CFAP58: variants seen among roughly 807,000 people sequenced by gnomAD.
CFAP58 encodes cilia- and flagella-associated protein 58.
Under a neutral mutation model 119.5 loss-of-function variants are expected in CFAP58, and 88 were observed. The ratio of observed to expected loss-of-function variants is 0.74; its 90% CI spans 0.62 to 0.88. The LOEUF is 0.88. CFAP58 is among the 40% of genes least tolerant of loss of function. The pLI is 0.00. For synonymous variants in CFAP58, 365 were observed against 366.3 expected, an observed-to-expected ratio of 1.00 and a Z score of 0.04; for missense variants, 990 against 1,021.2, an observed-to-expected ratio of 0.97 and a Z score of 0.42.
upstream of CFAP58, among the ~76,000 whole-genome samples, chr10:104,352,734 G>A (rs2014477099): frequency 6.6e-6 from 1 of 152,212 alleles, no homozygotes. Context: ...ATTAGAGGCG[G>A]CCTTGTTACC....
At chr10:104,387,628 A>T (rs540482797) in intron 9 of CFAP58, among the ~76,000 whole-genome samples, 1 of 152,200 alleles carries the variant, frequency 6.6e-6, no homozygotes, top group Non-Finnish European at 1.5e-5. Context: ...CACTATTCAG[A>T]TAAATTGAGA....
chr10:104,385,575 G>A (rs2011906176), intron 9 of CFAP58, among the ~76,000 whole-genome samples: 1 of 152,160 alleles, frequency 6.6e-6, no homozygotes, highest in South Asian at 2.1e-4. Context: ...TTAGCACTTT[G>A]GGAGGCTGAG....
At chr10:104,427,136 A>C (rs1253476390) in intron 15 of CFAP58, among the ~76,000 whole-genome samples, 3 of 152,246 alleles carry the variant, frequency 2.0e-5, no homozygotes, top group Non-Finnish European at 4.4e-5. Context: ...AGACAGGTAC[A>C]AAAGATGACT....
intron 15 of CFAP58, among the ~76,000 whole-genome samples, chr10:104,438,928 A>C (rs1156460239): frequency 6.6e-6 from 1 of 152,232 alleles, no homozygotes; most frequent in Non-Finnish European, 1.5e-5. Context: ...AATCAACTAC[A>C]TGAACAGAAA....
At chr10:104,409,762 C>T (rs919505773) in intron 15 of CFAP58, among the ~76,000 whole-genome samples, 1 of 152,066 alleles carries the variant, frequency 6.6e-6, no homozygotes, top group African/African-American at 2.4e-5. Context: ...TAACATAGCT[C>T]AATCAGCTGG....
intron 17 of CFAP58, among the ~76,000 whole-genome samples, chr10:104,450,711 TTTTGA>T (rs1235547598): frequency 2.7e-4 from 38 of 140,358 alleles, no homozygotes; most frequent in East Asian, 1.6e-3. Context: ...ATTTATTTAT[TTTTGA>T]TTTTTTTTTG....
chr10:104,380,125 T>C lies in CFAP58; in HGVS notation c.1270T>C (p.Tyr424His), dbSNP rs755293058. ...KRNLEGEIQN[Y>H]KDEAQKQRKI... The stretch of plus-strand genomic sequence containing the variant: ...GAACCTGGAGGGAGAAATCCAGAAC[T>C]ACAAGGATGAGGCTCAGAAGCAGAG... The change falls in exon 9 of 18, where the codon TAC becomes CAC. Residue 424 changes from tyrosine to histidine, a missense_variant. Transcript: ENST00000369704. The C allele has an allele frequency of 2.5e-6, 4 of 1,613,932 alleles. No homozygotes were observed. The highest frequency in any genetic ancestry group is 1.7e-5 in the Admixed American group (1 of 59,986).
At chr10:104,360,485 T>A (rs577441227) in intron 2 of CFAP58, among the ~76,000 whole-genome samples, 4 of 151,816 alleles carry the variant, frequency 2.6e-5, no homozygotes, top group Admixed American at 1.3e-4. Flanking sequence ...ACACACTTTT[T>A]AAAAAAAACT....
At chr10:104,379,671 T>C (rs990568681) in intron 8 of CFAP58, among the ~76,000 whole-genome samples, 3 of 152,216 alleles carry the variant, frequency 2.0e-5, no homozygotes, top group African/African-American at 7.2e-5. Context: ...GTTAAAGGCA[T>C]GGACTCTGGG....
intron 15 of CFAP58, among the ~76,000 whole-genome samples, chr10:104,444,995 T>A (rs1011911620): frequency 2.0e-5 from 3 of 152,178 alleles, no homozygotes; most frequent in African/African-American, 7.2e-5. Flanking sequence ...CTATTCTTTA[T>A]AATAAATCCA....
chr10:104,452,832 T>A (rs2013216549), intron 17 of CFAP58, among the ~76,000 whole-genome samples: 1 of 152,178 alleles, frequency 6.6e-6, no homozygotes, highest in African/African-American at 2.4e-5. Flanking sequence ...ACACGCTTAT[T>A]ACTAGTAGCC....
chr10:104,396,075 T>G (rs2012147676), intron 11 of CFAP58, among the ~76,000 whole-genome samples: 1 of 152,212 alleles, frequency 6.6e-6, no homozygotes, highest in African/African-American at 2.4e-5. Context: ...TCTCTGCAGA[T>G]GTTGCTGTGT....
intron 15 of CFAP58, among the ~76,000 whole-genome samples, chr10:104,445,112 C>T (rs908867409): frequency 6.6e-6 from 1 of 151,914 alleles, no homozygotes; most frequent in African/African-American, 2.4e-5. Context: ...AAAATGAGCC[C>T]AGGAGTTGGA....
In CFAP58 at chr10:104,366,754, A is replaced by G. The variant is rs375237910; in HGVS notation, c.792+746A>G. Among the ~76,000 whole-genome samples the G allele has an allele frequency of 1.1e-4, 16 of 152,368 alleles. No homozygotes were observed. In the East Asian group the frequency reaches 2.3e-3, roughly 22 times the overall value. On this transcript the variant is annotated intron_variant, in intron 5 of 17. Transcript: ENST00000369704. Reference sequence around the variant, plus strand: ...CAGAGAACATTTACATCACTGCAGAAAGCTCTATTGGACAGAGCTCAGTAG... The same window carrying G: ...CAGAGAACATTTACATCACTGCAGAGAGCTCTATTGGACAGAGCTCAGTAG...
At chr10:104,375,684 G>A (rs2011643045) in intron 7 of CFAP58, among the ~76,000 whole-genome samples, 1 of 149,194 alleles carries the variant, frequency 6.7e-6, no homozygotes, top group Non-Finnish European at 1.5e-5. Context: ...GTACAGCTTG[G>A]TTTCATATAT....
intron 12 of CFAP58, 96 bp from the exon 13 acceptor site, chr10:104,400,584 G>T (rs1209174002): frequency 5.0e-6 from 5 of 993,290 alleles, no homozygotes; most frequent in Non-Finnish European, 7.9e-6. Flanking sequence ...GTACATGTGG[G>T]CGTTCAATAG....
chr10:104,347,855 G>A, the CFAP58 span, among the ~76,000 whole-genome samples: 2 of 152,030 alleles, frequency 1.3e-5, 1 homozygote. Flanking sequence ...GGCCACCAAG[G>A]AAGAAGCTCC....
At chr10:104,340,604 TGAG>T in the CFAP58 span, among the ~76,000 whole-genome samples, 2 of 152,130 alleles carry the variant, frequency 1.3e-5, no homozygotes, top group Non-Finnish European at 2.9e-5. Context: ...TATGGGAACT[TGAG>T]GAGTCAAGAA....
In CFAP58 at chr10:104,433,356, G is replaced by A. The variant is rs36031722; in HGVS notation, c.2257-14342G>A. Reference sequence around the variant, plus strand: ...TTCCACCTTAGCCTCCCAGAGCACCGGCATTACAGGCAAGATGCAGTTAAT... The same window carrying A: ...TTCCACCTTAGCCTCCCAGAGCACCAGCATTACAGGCAAGATGCAGTTAAT... On this transcript the variant is annotated intron_variant, in intron 15 of 17. Coordinates refer to ENST00000369704, the MANE Select transcript of CFAP58 (RefSeq NM_001008723.2). 3.9e-5 allele frequency among the ~76,000 whole-genome samples: 6 copies of A among 152,262 alleles called. No individual in the cohort carries two copies. The South Asian group carries it at 6.2e-4, about 16-fold the overall frequency.
Sources: allele counts gnomAD v4.1 joint callset (sites outside exome capture counted in the v4.1 genomes callset), GRCh38; gene constraint gnomAD v4.1.1; transcripts MANE v1.5; gene names NCBI Gene and HGNC (gene_info 2026-07-23, HGNC 2026-07-21).